The following PRKAR1A variants were observed in gnomAD, a reference collection of about 807,000 sequenced individuals.
The protein encoded by PRKAR1A is cAMP-dependent protein kinase type I-alpha regulatory subunit.
In PRKAR1A, 3 loss-of-function variants were observed where a neutral mutation model predicts 52.0. That is an observed-to-expected ratio of 0.06 (90% CI 0.03 to 0.15). PRKAR1A has a LOEUF of 0.15. PRKAR1A is among the 10% of genes least tolerant of loss of function. The pLI is 1.00. For missense variants in PRKAR1A, 240 were observed against 477.4 expected (o/e 0.50, Z 4.63); for synonymous variants, 188 against 168.4 (o/e 1.12, Z -0.90).
At chr17:68,449,316 C>T in the PRKAR1A span, among the ~76,000 whole-genome samples, 1 of 152,224 alleles carries the variant, frequency 6.6e-6, no homozygotes, top group Admixed American at 6.5e-5. Flanking sequence ...ATGGTGAACA[C>T]ACCAGCACAG....
At chr17:68,421,978 C>G in the PRKAR1A span, 1 of 794,746 alleles carries the variant, frequency 1.3e-6, no homozygotes, top group Non-Finnish European at 2.1e-6. Flanking sequence ...AGAATGGTCA[C>G]CCAGCTTATT....
At chr17:68,424,344 C>A in the PRKAR1A span, 1 of 485,916 alleles carries the variant, frequency 2.1e-6, no homozygotes, top group Admixed American at 2.3e-5. Flanking sequence ...CCCAGCCCTG[C>A]ATGCAGGGCC....
chr17:68,523,216 G>A (rs1411360841), intron 3 of PRKAR1A, among the ~76,000 whole-genome samples: 1 of 152,134 alleles, frequency 6.6e-6, no homozygotes, highest in East Asian at 1.9e-4. Flanking sequence ...GAATCGTGAT[G>A]TCCTTTTTTT....
At chr17:68,416,558 T>A in the PRKAR1A span, among the ~76,000 whole-genome samples, 438 of 152,334 alleles carry the variant, frequency 2.9e-3, 3 homozygotes, top group African/African-American at 0.01. Flanking sequence ...CCCCCAAATA[T>A]GTTTTCCAAA....
chr17:68,479,062 AC>A, the PRKAR1A span, among the ~76,000 whole-genome samples: 2 of 152,190 alleles, frequency 1.3e-5, no homozygotes, highest in African/African-American at 4.8e-5. Flanking sequence ...ATGTAGATTT[AC>A]TGTAGGGAAA....
the PRKAR1A span, among the ~76,000 whole-genome samples, chr17:68,495,587 C>T: frequency 3.9e-5 from 6 of 152,156 alleles, no homozygotes; most frequent in African/African-American, 1.4e-4. Context: ...TCTATATCTT[C>T]TCTGTGCTAA....
In PRKAR1A at chr17:68,524,226, T is replaced by C. The variant is rs2085711842; in HGVS notation, c.502+149T>C. ...TACTATTGGATTTTTCTATTTCTTT[T>C]AAATTAAGATTTTCTGAGATGGACA... is the stretch of plus-strand genomic sequence containing the variant. On this transcript the variant is annotated intron_variant, in intron 5 of 10. Transcript: ENST00000589228. 5 of 722,472 alleles carry C rather than the reference T, an allele frequency of 6.9e-6. No individual in the cohort carries two copies. The South Asian group carries it at 8.7e-5, about 13-fold the overall frequency. The allele number at this position is 722,472 out of a possible 1,614,324, so 44.8% of individuals were successfully genotyped here. A position where few individuals can be genotyped will look rare whatever the true frequency, so the allele number is the denominator to read the frequency against.
the PRKAR1A span, among the ~76,000 whole-genome samples, chr17:68,505,240 A>T: frequency 6.6e-6 from 1 of 152,086 alleles, no homozygotes; most frequent in Non-Finnish European, 1.5e-5. Context: ...GCAGTGAGCT[A>T]AGATCATGCC....
the PRKAR1A span, among the ~76,000 whole-genome samples, chr17:68,494,902 T>A: frequency 6.6e-6 from 1 of 152,202 alleles, no homozygotes; most frequent in African/African-American, 2.4e-5. Context: ...TAATTATTGT[T>A]TTAAGCCTTA....
At chr17:68,542,303 A>C in intron 11 of PRKAR1A, 2 of 991,148 alleles carry the variant, frequency 2.0e-6, no homozygotes, top group Non-Finnish European at 3.0e-6. Flanking sequence ...AGAAGGAAAC[A>C]TTGACTTTTC....
At chr17:68,418,226 C>T in the PRKAR1A span, among the ~76,000 whole-genome samples, 1 of 152,140 alleles carries the variant, frequency 6.6e-6, no homozygotes, top group Non-Finnish European at 1.5e-5. Flanking sequence ...TTTGTTTTCA[C>T]TGGCAGCTAA....
chr17:68,536,999 T>G (rs774195501), downstream of PRKAR1A: 1 of 454,866 alleles, frequency 2.2e-6, no homozygotes, highest in South Asian at 1.6e-5. Flanking sequence ...CTGTCAGAGT[T>G]ACTGTTGCCT....
the PRKAR1A span, among the ~76,000 whole-genome samples, chr17:68,433,766 T>G: frequency 7.9e-4 from 13 of 16,422 alleles, no homozygotes; most frequent in African/African-American, 2.3e-3. Flanking sequence ...CATAGTTTTT[T>G]TTTTTTTTTT....
chr17:68,457,255 G>C, the PRKAR1A span: 2 of 1,476,258 alleles, frequency 1.4e-6, no homozygotes, highest in Non-Finnish European at 9.1e-7. Flanking sequence ...CCTCGAGGCG[G>C]AAGCCACAAG....
chr17:68,465,869 T>C, the PRKAR1A span, among the ~76,000 whole-genome samples: 4 of 151,936 alleles, frequency 2.6e-5, no homozygotes, highest in African/African-American at 9.7e-5. Context: ...GTAGAGGATG[T>C]CGGAGAGGGG....
At chr17:68,523,864 T>A in intron 4 of PRKAR1A, 48 bp downstream of exon 4, 3 of 1,597,540 alleles carry the variant, frequency 1.9e-6, no homozygotes, top group Middle Eastern at 1.7e-4. Flanking sequence ...AAGGGTGTGA[T>A]CCCAAATTGT....
upstream of PRKAR1A, among the ~76,000 whole-genome samples, chr17:68,509,500 A>C (rs1022905775): frequency 6.6e-6 from 1 of 152,232 alleles, no homozygotes; most frequent in African/African-American, 2.4e-5. Flanking sequence ...CTCTAGAAAC[A>C]TATTTTTAAA....
Position 68,528,636 on chromosome 17 carries a change from A to G in PRKAR1A, c.770-234A>G, listed in dbSNP as rs1568701050. 5 of 562,302 alleles carry G rather than the reference A, an allele frequency of 8.9e-6. No individual in the cohort carries two copies. The East Asian group carries it at 1.2e-4, about 13-fold the overall frequency. The allele number at this position is 562,302 out of a possible 1,614,324, so 34.8% of individuals were successfully genotyped here. ...TCCCTTGCCATTTGGTACAGTTGGT[A>G]TAAATTAACCTAGCCACTGGGCTAC... On this transcript the variant is annotated intron_variant, in intron 8 of 10. Coordinates refer to ENST00000589228, the MANE Select transcript of PRKAR1A (RefSeq NM_002734.5).
chr17:68,503,907 G>A, the PRKAR1A span, among the ~76,000 whole-genome samples: 4 of 152,200 alleles, frequency 2.6e-5, no homozygotes, highest in East Asian at 5.8e-4. Flanking sequence ...TGGCAAGGAT[G>A]TGCAGAAAAG....
Sources: allele counts gnomAD v4.1 joint callset (sites outside exome capture counted in the v4.1 genomes callset), GRCh38; gene constraint gnomAD v4.1.1; transcripts MANE v1.5; gene names NCBI Gene and HGNC (gene_info 2026-07-23, HGNC 2026-07-21).